IL34: variants seen among roughly 807,000 people sequenced by gnomAD.
IL34 encodes the protein interleukin-34.
Under a neutral mutation model 25.3 loss-of-function variants are expected in IL34, and 17 were observed. That is an observed-to-expected ratio of 0.67 (90% CI 0.46 to 1.01). The LOEUF (loss-of-function observed/expected upper bound fraction) is 1.01. Ranked by LOEUF, IL34 falls within the 50% of genes least tolerant of loss-of-function variation. The probability of loss-of-function intolerance (pLI) is 0.00; values close to 1 mark genes in which losing one functional copy is unlikely to be tolerated. For synonymous variants in IL34, 174 were observed against 140.9 expected, an observed-to-expected ratio of 1.23 and a Z score of -1.66; for missense variants, 368 against 312.9, an observed-to-expected ratio of 1.18 and a Z score of -1.33.
intron 1 of IL34, among the ~76,000 whole-genome samples, chr16:70,653,911 G>C (rs900187643): frequency 6.6e-6 from 1 of 152,148 alleles, no homozygotes; most frequent in African/African-American, 2.4e-5. Flanking sequence ...CAGTGGCAAA[G>C]GATGGTAATG....
At chr16:70,593,548 C>T (rs2050780954) in intron 1 of IL34, among the ~76,000 whole-genome samples, 1 of 152,106 alleles carries the variant, frequency 6.6e-6, no homozygotes, top group Non-Finnish European at 1.5e-5. Flanking sequence ...GACAGGATCT[C>T]ACTCTGTTGT....
chr16:70,595,871 C>T (rs150189679), intron 1 of IL34, among the ~76,000 whole-genome samples: 3,826 of 151,874 alleles, frequency 0.025, 153 homozygotes, highest in African/African-American at 0.087. Context: ...ATTAGCTGGG[C>T]GTGGTGGTGT....
intron 5 of IL34, 75 bp downstream of exon 5, chr16:70,659,828 G>T: frequency 6.5e-7 from 1 of 1,534,712 alleles, no homozygotes. Flanking sequence ...AGCTGGCAGA[G>T]CTGGCGTCCT....
At chr16:70,648,552 T>TA (rs56164163) in intron 1 of IL34, among the ~76,000 whole-genome samples, 7,069 of 73,158 alleles carry the variant, frequency 0.097, 455 homozygotes, top group African/African-American at 0.18. Context: ...ACCCTGTCTT[T>TA]AAAAAAAAAA....
chr16:70,588,475 A>T (rs753093452), intron 1 of IL34, among the ~76,000 whole-genome samples: 17 of 152,054 alleles, frequency 1.1e-4, no homozygotes, highest in Admixed American at 3.9e-4. Flanking sequence ...AGCCTGGGCA[A>T]CAAGAGTGAA....
chr16:70,619,790 G>A (rs1344540672), intron 1 of IL34, among the ~76,000 whole-genome samples: 1 of 152,066 alleles, frequency 6.6e-6, no homozygotes, highest in Non-Finnish European at 1.5e-5. Flanking sequence ...CAGAGTTCCA[G>A]GGGCTCTGGG....
At chr16:70,659,811 C>T in intron 5 of IL34, 58 bp downstream of exon 5, 1 of 1,554,422 alleles carries the variant, frequency 6.4e-7, no homozygotes, top group Non-Finnish European at 8.7e-7. Context: ...CTGGGCCCAC[C>T]CAGGCCAGCT....
upstream of IL34, among the ~76,000 whole-genome samples, chr16:70,642,151 C>T (rs1306762148): frequency 6.6e-6 from 1 of 152,140 alleles, no homozygotes; most frequent in Admixed American, 6.6e-5. Flanking sequence ...TGATTGATTT[C>T]CGGTGAGGGC....
At chr16:70,587,854 C>G (rs1363082805) in intron 1 of IL34, among the ~76,000 whole-genome samples, 5 of 151,990 alleles carry the variant, frequency 3.3e-5, no homozygotes. Flanking sequence ...GCCTGGCAAA[C>G]AGGGTGAGAT....
intron 1 of IL34, among the ~76,000 whole-genome samples, chr16:70,632,903 T>C (rs752358083): frequency 4.2e-4 from 64 of 152,148 alleles, no homozygotes; most frequent in Non-Finnish European, 7.5e-4. Context: ...CAACCAGCAA[T>C]TTTCTATTGT....
At chr16:70,647,680 C>G (rs983275407) in intron 1 of IL34, among the ~76,000 whole-genome samples, 2 of 152,216 alleles carry the variant, frequency 1.3e-5, no homozygotes, top group Non-Finnish European at 2.9e-5. Flanking sequence ...ACCTTGCTGT[C>G]TCGTGCCTCT....
At chr16:70,658,164 TC>T (rs2052284063) in intron 4 of IL34, among the ~76,000 whole-genome samples, 1 of 152,072 alleles carries the variant, frequency 6.6e-6, no homozygotes, top group Non-Finnish European at 1.5e-5. Flanking sequence ...CGGGAGAACA[TC>T]CCAGGCCAAC....
At chr16:70,607,869 AT>A (rs1433034800) in intron 1 of IL34, among the ~76,000 whole-genome samples, 1 of 150,878 alleles carries the variant, frequency 6.6e-6, no homozygotes, top group African/African-American at 2.4e-5. Context: ...GGTTCAAGCA[AT>A]TTTCCTCCTG....
At chr16:70,590,296 A>G (rs1439729345) in intron 1 of IL34, among the ~76,000 whole-genome samples, 1 of 152,176 alleles carries the variant, frequency 6.6e-6, no homozygotes, top group Non-Finnish European at 1.5e-5. Flanking sequence ...GGGCAGTTGT[A>G]GGGAAGAGAT....
intron 1 of IL34, among the ~76,000 whole-genome samples, chr16:70,640,517 G>C (rs969064586): frequency 6.6e-6 from 1 of 151,780 alleles, no homozygotes; most frequent in Admixed American, 6.6e-5. Context: ...CCAGCTACTT[G>C]GGACGCTGAG....
intron 1 of IL34, among the ~76,000 whole-genome samples, chr16:70,603,289 ATT>A (rs143245567): frequency 0.041 from 6,185 of 152,082 alleles, 348 homozygotes; most frequent in East Asian, 0.21. Flanking sequence ...ATTTGTTATT[ATT>A]TTTTTGAAAT....
chr16:70,585,833 CCTT>C (rs1156841767), intron 1 of IL34, among the ~76,000 whole-genome samples: 1 of 145,820 alleles, frequency 6.9e-6, no homozygotes, highest in African/African-American at 2.6e-5. Flanking sequence ...CATCCAGCCT[CCTT>C]GTTTTTTTTT....
At chr16:70,649,385 T>G (rs1270007747) in intron 1 of IL34, among the ~76,000 whole-genome samples, 1 of 152,176 alleles carries the variant, frequency 6.6e-6, no homozygotes, top group African/African-American at 2.4e-5. Flanking sequence ...GTCATTGCTA[T>G]GGAAAGCGGT....
chr16:70,621,576 G>A (rs150161578), intron 1 of IL34, among the ~76,000 whole-genome samples: 7,012 of 152,140 alleles, frequency 0.046, 420 homozygotes, highest in African/African-American at 0.14. Flanking sequence ...GATCTCCCAA[G>A]GGAGGTCCCC....
Sources: gnomAD v4.1 joint callset for allele counts (sites outside exome capture counted in the v4.1 genomes callset) on GRCh38, gnomAD v4.1.1 for gene constraint, MANE v1.5 for transcripts, NCBI Gene and HGNC (gene_info 2026-07-23, HGNC 2026-07-21) for gene names.